LINGO1: variants seen among roughly 807,000 people sequenced by gnomAD.
LINGO1 encodes leucine-rich repeat and immunoglobulin-like domain-containing nogo receptor-interacting protein 1.
LINGO1 carries 11 observed loss-of-function variants against 37.3 expected under a neutral mutation model. That is an observed-to-expected ratio of 0.29 (90% CI 0.19 to 0.49). The LOEUF is 0.49. LINGO1 is among the 20% of genes least tolerant of loss of function. The pLI, the probability that LINGO1 is intolerant of heterozygous loss-of-function variation, is 0.99. For missense variants in LINGO1, 585 were observed against 878.2 expected (o/e 0.67, Z 4.22); for synonymous variants, 387 against 403.0 (o/e 0.96, Z 0.48).
intron 2 of LINGO1, among the ~76,000 whole-genome samples, chr15:77,703,052 T>C (rs191988800): frequency 1.6e-4 from 24 of 152,318 alleles, no homozygotes; most frequent in Admixed American, 7.2e-4. Context: ...GCTGAGCACA[T>C]TGCTTTGCCT....
Position 77,754,983 on chromosome 15 carries a change from T to C in LINGO1, c.-256-19930A>G, listed in dbSNP as rs574662180. On this transcript the variant is annotated intron_variant, in intron 1 of 3. Coordinates refer to the LINGO1 transcript ENST00000561686. ...CATGCAGGTAAGACACTTTTTGACT[T>C]ATCTGGGGGCTGTGCACACAAAAGG... is the stretch of plus-strand genomic sequence containing the variant. Among the ~76,000 whole-genome samples the C allele has an allele frequency of 7.9e-5, 12 of 152,316 alleles. No individual in the cohort carries two copies. In the East Asian group the frequency reaches 2.3e-3, roughly 29 times the overall value.
intron 2 of LINGO1, among the ~76,000 whole-genome samples, chr15:77,792,677 C>T (rs2076827472): frequency 6.6e-6 from 1 of 152,228 alleles, no homozygotes; most frequent in Non-Finnish European, 1.5e-5. Context: ...TTATTACTCC[C>T]TAATCTTATA....
At chr15:77,729,854 C>T (rs1280527578) in intron 2 of LINGO1, among the ~76,000 whole-genome samples, 4 of 152,220 alleles carry the variant, frequency 2.6e-5, no homozygotes, top group African/African-American at 7.2e-5. Context: ...CTAATGCTCC[C>T]CAAGCTTTTC....
upstream of LINGO1, among the ~76,000 whole-genome samples, chr15:77,635,281 A>G (rs1408759566): frequency 6.6e-6 from 1 of 152,130 alleles, no homozygotes; most frequent in African/African-American, 2.4e-5. Flanking sequence ...GTTTTATTCC[A>G]ATGGAAACGA....
At chr15:77,619,680 C>T (rs2073856833) in intron 1 of LINGO1, among the ~76,000 whole-genome samples, 1 of 150,410 alleles carries the variant, frequency 6.6e-6, no homozygotes, top group East Asian at 1.9e-4. Context: ...GAGCAAGACT[C>T]TCCATCTGTA....
chr15:77,775,731 CGGCCCAACAT>C (rs1352747285), intron 1 of LINGO1, among the ~76,000 whole-genome samples: 3 of 152,158 alleles, frequency 2.0e-5, no homozygotes, highest in Non-Finnish European at 2.9e-5. Flanking sequence ...TCTCTAGACC[CGGCCCAACAT>C]GGCTAAAGAG....
At chr15:77,743,101 G>A (rs1240302373) in intron 1 of LINGO1, among the ~76,000 whole-genome samples, 3 of 152,152 alleles carry the variant, frequency 2.0e-5, no homozygotes, top group Admixed American at 2.0e-4. Flanking sequence ...AGGGTGGGGG[G>A]TGGAAGGAGA....
intron 3 of LINGO1, among the ~76,000 whole-genome samples, chr15:77,641,502 T>G (rs1046960956): frequency 6.6e-6 from 1 of 152,118 alleles, no homozygotes; most frequent in African/African-American, 2.4e-5. Context: ...TATAAATTAT[T>G]GAAGTTATAA....
rs185979881 is a variant in LINGO1, at chr15:77,644,839, G to A, written c.-12-28939C>T. Among the ~76,000 whole-genome samples, 125 of 152,266 alleles carry A rather than the reference G, an allele frequency of 8.2e-4. 1 individual carries two copies. The highest frequency in any genetic ancestry group is 6.8e-3 in the Middle Eastern group (2 of 294). ...GCCAGGCCTGGCCCTGGTGACGAGC[G>A]GTTTAGGGTTGGATAAAGGGCCACT... On this transcript the variant is annotated intron_variant, in intron 3 of 3. Coordinates refer to the LINGO1 transcript ENST00000559893.
Position 77,613,084 on chromosome 15 carries a change from T to A in LINGO1, c.*960A>T, listed in dbSNP as rs1354970002. 6.6e-6 allele frequency: 1 copy of A among 152,292 alleles called. No individual in the cohort carries two copies. The highest frequency in any genetic ancestry group is 1.5e-5 in the Non-Finnish European group (1 of 68,120). The allele number at this position is 152,292 out of a possible 1,614,324, so 9.4% of individuals were successfully genotyped here. A position where few individuals can be genotyped will look rare whatever the true frequency, so the allele number is the denominator to read the frequency against. ...TGTTTCACATACATCATCTCATCAA[T>A]TCCTCACAACAGCCCTGTGAGGTAG... On this transcript the variant is annotated 3_prime_UTR_variant, in exon 2 of 2. Transcript: ENST00000355300.
chr15:77,751,821 A>T (rs1486717023), intron 1 of LINGO1, among the ~76,000 whole-genome samples: 2 of 152,150 alleles, frequency 1.3e-5, no homozygotes, highest in African/African-American at 2.4e-5. Flanking sequence ...AGGATACTTG[A>T]GCTCTAGATG....
rs138642695 is a variant in LINGO1, at chr15:77,685,996, G to A, written c.-99+4724C>T. On this transcript the variant is annotated intron_variant, in intron 2 of 3. Transcript: ENST00000559893. ...GGGCTTCCCCAGGTGGGTGGTGGGC[G>A]GCTGTCTAGGTGGCTTCTCCAGCCC... Among the ~76,000 whole-genome samples, 7 of 152,290 alleles carry A rather than the reference G, an allele frequency of 4.6e-5. No homozygotes were observed. The East Asian group carries it at 9.6e-4, about 21-fold the overall frequency.
At chr15:77,768,015 T>C (rs539110854) in intron 1 of LINGO1, among the ~76,000 whole-genome samples, 65 of 151,966 alleles carry the variant, frequency 4.3e-4, no homozygotes, top group African/African-American at 1.5e-3. Flanking sequence ...TCCAGAGGAG[T>C]AGCAAATGGC....
At chr15:77,637,632 T>C (rs1002332988), upstream of LINGO1, among the ~76,000 whole-genome samples, 3 of 152,088 alleles carry the variant, frequency 2.0e-5, no homozygotes, top group Non-Finnish European at 4.4e-5. This position sits in a 1 kb window ranked among gnomAD's most constrained non-coding sequence, Gnocchi z 4.6. Context: ...TAAATGCAGG[T>C]ATTTTTAGGT....
chr15:77,786,656 G>A (rs2141436741), intron 1 of LINGO1, among the ~76,000 whole-genome samples: 1 of 152,316 alleles, frequency 6.6e-6, no homozygotes, highest in East Asian at 1.9e-4. Flanking sequence ...CTGGACAGAG[G>A]AGCCACCCGT....
intron 1 of LINGO1, among the ~76,000 whole-genome samples, chr15:77,817,734 TCACCAAAGACCA>T (rs2077059846): frequency 6.6e-6 from 1 of 152,126 alleles, no homozygotes; most frequent in Non-Finnish European, 1.5e-5. Flanking sequence ...CCTCCATGCC[TCACCAAAGACCA>T]GGGTCAGCGG....
At chr15:77,736,541 T>A (rs1266027266) in intron 1 of LINGO1, among the ~76,000 whole-genome samples, 1 of 152,106 alleles carries the variant, frequency 6.6e-6, no homozygotes, top group Non-Finnish European at 1.5e-5. Flanking sequence ...AGGGGTAGGA[T>A]CGCTTGAGCC....
intron 2 of LINGO1, among the ~76,000 whole-genome samples, chr15:77,721,190 C>T (rs1270778004): frequency 3.3e-5 from 5 of 152,132 alleles, no homozygotes; most frequent in East Asian, 1.9e-4. Flanking sequence ...CCAGTCACCC[C>T]GCTTCATGGC....
At chr15:77,664,170 T>TGTGTGTGTGTGTGTGTGTGTGTGTGC in intron 3 of LINGO1, among the ~76,000 whole-genome samples, 3 of 131,004 alleles carry the variant, frequency 2.3e-5, no homozygotes, top group African/African-American at 7.3e-5. Flanking sequence ...TGTGTGTGTG[T>TGTGTGTGTGTGTGTGTGTGTGTGTGC]GCGCGCGCGC....
Sources: gnomAD v4.1 joint callset for allele counts (sites outside exome capture counted in the v4.1 genomes callset) on GRCh38, gnomAD v4.1.1 for gene constraint, Gnocchi (gnomAD v3.1) non-coding constraint, MANE v1.5 for transcripts, NCBI Gene and HGNC (gene_info 2026-07-23, HGNC 2026-07-21) for gene names.